The following FIGLA variants were observed in gnomAD, a reference collection of about 807,000 sequenced individuals.
FIGLA encodes the protein factor in the germline alpha.
Under a neutral mutation model 21.5 loss-of-function variants are expected in FIGLA, and 17 were observed. The observed-to-expected ratio is 0.79, with a 90% confidence interval of 0.54 to 1.19. The LOEUF (loss-of-function observed/expected upper bound fraction) is 1.19, where lower values mean the gene tolerates loss of function less well. Among genes scored for constraint, FIGLA ranks in the 50% most tolerant of loss-of-function variants. The probability of loss-of-function intolerance (pLI) is 0.00; values close to 1 mark genes in which losing one functional copy is unlikely to be tolerated. For missense variants in FIGLA, 282 were observed against 285.0 expected (o/e 0.99, Z 0.08); for synonymous variants, 129 against 117.6 (o/e 1.10, Z -0.63).
chr2:70,784,064 T>C (rs1553389510), intron 3 of FIGLA, among the ~76,000 whole-genome samples: 1 of 152,000 alleles, frequency 6.6e-6, no homozygotes, highest in African/African-American at 2.4e-5. Context: ...CTGTCTCCTA[T>C]GGGTTGACTG....
At chr2:70,780,262 C>A (rs2024457) in intron 3 of FIGLA, among the ~76,000 whole-genome samples, 18,418 of 152,164 alleles carry the variant, frequency 0.12, 1,218 homozygotes, top group East Asian at 0.16. Flanking sequence ...CCCATCCCTG[C>A]CACTACCAGG....
At chr2:70,782,073 A>C (rs180973098) in intron 3 of FIGLA, among the ~76,000 whole-genome samples, 1 of 152,220 alleles carries the variant, frequency 6.6e-6, no homozygotes, top group Non-Finnish European at 1.5e-5. Flanking sequence ...CTTCCAAATT[A>C]CAGATTTGAT....
intron 2 of FIGLA, 110 bp from the exon 3 acceptor site, chr2:70,785,749 G>C: frequency 3.8e-6 from 3 of 798,542 alleles, no homozygotes; most frequent in Non-Finnish European, 6.3e-6. Context: ...TAAATGATAA[G>C]GGCAATGCTT....
chr2:70,777,713 G>C, intron 3 of FIGLA, 42 bp from the exon 4 acceptor site: 1 of 1,058,414 alleles, frequency 9.4e-7, no homozygotes, highest in Non-Finnish European at 1.4e-6. Context: ...TAAACACATC[G>C]GTTATTTGTC....
At chr2:70,780,250 C>T (rs1440212000) in intron 3 of FIGLA, among the ~76,000 whole-genome samples, 13 of 152,278 alleles carry the variant, frequency 8.5e-5, no homozygotes, top group African/African-American at 1.2e-4. Flanking sequence ...TCCCCCAAAA[C>T]GCCCATCCCT....
At chr2:70,786,208 T>C (rs1675952268) in intron 2 of FIGLA, among the ~76,000 whole-genome samples, 1 of 150,972 alleles carries the variant, frequency 6.6e-6, no homozygotes, top group African/African-American at 2.4e-5. Flanking sequence ...GACCTTCACT[T>C]GATCTAACAA....
Position 70,785,459 on chromosome 2 carries a change from T to C in FIGLA, c.565A>G (p.Ser189Gly), listed in dbSNP as rs558970748. ...ATAATTTCAGTCGTAGACATCACAC[T>C]GTGGCGACAAGCGTGTGCTGGCTCA... is the stretch of plus-strand genomic sequence containing the variant. ...SGEPAHACRH[S>G]VMSTTEIISP... is the part of the protein sequence containing the mutation. Residue 189 changes from serine to glycine, a missense_variant, in exon 3 of 5, where the codon AGT becomes GGT. Ser to Gly is a moderately conservative substitution (Grantham distance 56, BLOSUM62 0). Transcript: ENST00000332372. The C allele has an allele frequency of 1.2e-5, 19 of 1,614,042 alleles. No individual in the cohort carries two copies. The South Asian group carries it at 1.9e-4, about 16-fold the overall frequency.
At chr2:70,789,860 GAC>G (rs1676026224) in intron 1 of FIGLA, among the ~76,000 whole-genome samples, 1 of 152,176 alleles carries the variant, frequency 6.6e-6, no homozygotes, top group African/African-American at 2.4e-5. Flanking sequence ...ACTTTATCTT[GAC>G]AGAGTTGAGT....
At chr2:70,778,815 T>C (rs569027303) in intron 3 of FIGLA, among the ~76,000 whole-genome samples, 6 of 152,296 alleles carry the variant, frequency 3.9e-5, no homozygotes, top group Non-Finnish European at 8.8e-5. Context: ...AGTTTGCTGC[T>C]TAATATCTTT....
chr2:70,787,122 T>C (rs1178120513), intron 2 of FIGLA, among the ~76,000 whole-genome samples: 1 of 152,220 alleles, frequency 6.6e-6, no homozygotes, highest in African/African-American at 2.4e-5. Context: ...GCCATTTGTG[T>C]CATTCCTGCT....
At chr2:70,783,760 A>C (rs1403331504) in intron 3 of FIGLA, among the ~76,000 whole-genome samples, 2 of 149,388 alleles carry the variant, frequency 1.3e-5, no homozygotes, top group Admixed American at 1.3e-4. Flanking sequence ...ATGCAGTGGC[A>C]TAATCTCAGC....
chr2:70,785,540 A>G lies in FIGLA; in HGVS notation c.484T>C (p.Cys162Arg), dbSNP rs199692944. The stretch of plus-strand genomic sequence containing the variant: ...TCTTCATTCTTCAAGCCGAAAGCAC[A>G]GCTGATATGTTGGGTGATGTTTCTT... ...LSRNITQHIS[C>R]AFGLKNEEEG... Residue 162 changes from cysteine to arginine, a missense_variant, in exon 3 of 5, where the codon TGT becomes CGT. By Grantham distance (180) the Cys-to-Arg change is radical (BLOSUM62 -3). Coordinates refer to ENST00000332372, the MANE Select transcript of FIGLA (RefSeq NM_001004311.3). 1 of 1,613,882 alleles carries G rather than the reference A, an allele frequency of 6.2e-7. No individual in the cohort carries two copies. Among genetic ancestry groups the G allele is most frequent in the African/African-American group, 1.3e-5 (1 of 74,938 alleles).
chr2:70,788,580 T>C (rs1574352987), intron 1 of FIGLA, among the ~76,000 whole-genome samples: 1 of 152,284 alleles, frequency 6.6e-6, no homozygotes, highest in Non-Finnish European at 1.5e-5. Flanking sequence ...ACAAAGCCAA[T>C]ATATATTGAG....
chr2:70,779,432 G>C (rs1238503620), intron 3 of FIGLA, among the ~76,000 whole-genome samples: 2 of 152,188 alleles, frequency 1.3e-5, no homozygotes, highest in African/African-American at 4.8e-5. Flanking sequence ...ATGTGAGGTG[G>C]AAGACAGAAG....
chr2:70,777,592 G>T, intron 4 of FIGLA, 45 bp downstream of exon 4: 2 of 1,590,034 alleles, frequency 1.3e-6, no homozygotes, highest in Non-Finnish European at 1.7e-6. Context: ...TACAGCCAGT[G>T]GTGTTATAAA....
At chr2:70,778,361 C>T (rs1373481173) in intron 3 of FIGLA, among the ~76,000 whole-genome samples, 1 of 152,176 alleles carries the variant, frequency 6.6e-6, no homozygotes, top group African/African-American at 2.4e-5. Context: ...CTGCCAGGAG[C>T]AGTCTCTGAC....
chr2:70,789,670 T>C (rs1367257883), intron 1 of FIGLA, among the ~76,000 whole-genome samples: 3 of 152,158 alleles, frequency 2.0e-5, no homozygotes, highest in African/African-American at 4.8e-5. Context: ...TTCTCTCTCC[T>C]GGATTCGCCT....
chr2:70,790,328 C>A lies in FIGLA; in HGVS notation c.231+80G>T. On this transcript the variant is annotated intron_variant, in intron 1 of 4. Transcript: ENST00000332372. ...GCCTCGAGCGGGGGTGGGCGGTGAG[C>A]GGACCCCCGGGTGTTGACCAGGTGT... 3 of 1,379,392 alleles carry A rather than the reference C, an allele frequency of 2.2e-6. 1 individual carries two copies. The highest frequency in any genetic ancestry group is 1.9e-6 in the Non-Finnish European group (2 of 1,052,486). The allele number at this position is 1,379,392 out of a possible 1,614,324, so 85.4% of individuals were successfully genotyped here.
chr2:70,777,389 C>T lies in FIGLA; in HGVS notation c.645-7G>A. The T allele has an allele frequency of 1.4e-6, 2 of 1,476,162 alleles. No individual in the cohort carries two copies. Among genetic ancestry groups the T allele is most frequent in the Non-Finnish European group, 1.8e-6 (2 of 1,108,820 alleles). The allele number at this position is 1,476,162 out of a possible 1,614,324, so 91.4% of individuals were successfully genotyped here. ...TTTTCATACTTGTGGAAGTCTGAAA[C>T]AGAGAAAACATTCCATTATAAATAG... On this transcript the variant is annotated splice_region_variant and splice_polypyrimidine_tract_variant and intron_variant, in intron 4 of 4. Transcript: ENST00000332372.
Sources: gnomAD v4.1 joint callset for allele counts (sites outside exome capture counted in the v4.1 genomes callset) on GRCh38, gnomAD v4.1.1 for gene constraint, MANE v1.5 for transcripts, NCBI Gene and HGNC (gene_info 2026-07-23, HGNC 2026-07-21) for gene names.